Variants in SFRP2 observed in about 807,000 individuals in gnomAD.
The protein encoded by SFRP2 is secreted frizzled-related protein 2.
In SFRP2, 16 loss-of-function variants were observed where a neutral mutation model predicts 26.0. The observed-to-expected ratio is 0.61, with a 90% CI of 0.42 to 0.93. SFRP2 has a LOEUF of 0.93. SFRP2 is among the 40% of genes least tolerant of loss of function. SFRP2 has a pLI of 0.00. For missense variants in SFRP2, 343 were observed against 392.4 expected, an observed-to-expected ratio of 0.87 and a Z score of 1.06; for synonymous variants, 173 against 167.3, an observed-to-expected ratio of 1.03 and a Z score of -0.26.
chr4:153,781,458 T>G lies in SFRP2; in HGVS notation c.881A>C (p.Gln294Pro). ...KRISRSIRKL[Q>P]C The stretch of plus-strand genomic sequence containing the variant: ...GCCATCAGGATGCCGGGACTAGCAC[T>G]GCAGCTTGCGGATGCTGCGGGAGAT... The change falls in exon 3 of 3, where the codon CAG becomes CCG. Residue 294 changes from glutamine to proline, a missense_variant. Gln to Pro is a moderately conservative substitution (Grantham distance 76). This residue lies in a region of SFRP2 where 92 missense variants were observed against 139.0 expected (regional missense o/e 0.66). Transcript: ENST00000274063. The G allele has an allele frequency of 6.2e-7, 1 of 1,612,272 alleles. No individual in the cohort carries two copies. The highest frequency in any genetic ancestry group is 8.5e-7 in the Non-Finnish European group (1 of 1,179,750).
intron 2 of SFRP2, among the ~76,000 whole-genome samples, chr4:153,783,857 C>A (rs572004683): frequency 1.3e-5 from 2 of 152,290 alleles, no homozygotes; most frequent in Admixed American, 6.5e-5. Context: ...GCTTCATTAT[C>A]CCTCTATGGG....
intron 2 of SFRP2, 98 bp from the exon 3 acceptor site, chr4:153,781,853 GAA>G (rs1741127185): frequency 9.2e-7 from 1 of 1,087,272 alleles, no homozygotes; most frequent in Non-Finnish European, 1.4e-6. Flanking sequence ...CCTGGATGAG[GAA>G]AGAGAGGCTT....
At chr4:153,785,775 A>G (rs1741195762) in intron 2 of SFRP2, 89 bp downstream of exon 2, 1 of 819,312 alleles carries the variant, frequency 1.2e-6, no homozygotes, top group African/African-American at 1.7e-5. Flanking sequence ...ACCTTTATCT[A>G]GCAACATCAT....
At position 153,780,691 on chromosome 4, in the gene SFRP2, AACT is replaced by A. The variant is rs910063401; in HGVS notation, c.*757_*759del. 1.8e-4 allele frequency: 28 copies of A among 152,788 alleles called. No individual in the cohort carries two copies. Among genetic ancestry groups the A allele is most frequent in the African/African-American group, 6.7e-4 (28 of 41,580 alleles). The allele number at this position is 152,788 out of a possible 1,614,324, so 9.5% of individuals were successfully genotyped here. ...AATATTTTTACAACTTTTAAAGGTA[AACT>A]ACTATGTATATTACAGGTAAGCTAC... On this transcript the variant is annotated 3_prime_UTR_variant, in exon 3 of 3. Coordinates refer to ENST00000274063, the MANE Select transcript of SFRP2 (RefSeq NM_003013.3).
rs1420569731 is a variant in SFRP2, at chr4:153,788,994, C to T, written c.-159G>A. The T allele has an allele frequency of 2.8e-6, 2 of 706,272 alleles. No homozygotes were observed. 43.8% of individuals were successfully genotyped at this position (706,272 alleles called of 1,614,324 possible). ...GCTGGGGCGCGGAGAAGCGGGACAC[C>T]GGGAGGACAGCGCGGGCGAGGCGCT... On this transcript the variant is annotated 5_prime_UTR_variant, in exon 1 of 3. Coordinates refer to ENST00000274063, the MANE Select transcript of SFRP2 (RefSeq NM_003013.3).
intron 2 of SFRP2, among the ~76,000 whole-genome samples, chr4:153,784,664 A>AGTGAG (rs1741173899): frequency 6.6e-6 from 1 of 152,196 alleles, no homozygotes; most frequent in Admixed American, 6.5e-5. Context: ...AGGTAAGGAG[A>AGTGAG]GTGAGAGCTG....
Position 153,788,388 on chromosome 4 carries a change from C to G in SFRP2, c.448G>C (p.Asp150His), listed in dbSNP as rs374977998. ...LECDRFPQDNDLCIPLASSDH... is the reference protein window; with the variant it reads ...LECDRFPQDNHLCIPLASSDH... ...CTGCTAGCGAGGGGGATGCAAAGGT[C>G]GTTGTCCTGGGGGAAACGGTCGCAC... Residue 150 changes from aspartate (D) to histidine (H), a missense_variant, in exon 1 of 3, where the codon GAC becomes CAC. By Grantham distance (81) the Asp-to-His change is moderately conservative. Transcript: ENST00000274063. 2 of 1,613,602 alleles carry G rather than the reference C, an allele frequency of 1.2e-6. No individual in the cohort carries two copies. The highest frequency in any genetic ancestry group is 1.7e-6 in the Non-Finnish European group (2 of 1,180,010).
In SFRP2 at chr4:153,781,842, G is replaced by C. The variant is rs537870385; in HGVS notation, c.584-87C>G. The stretch of plus-strand genomic sequence containing the variant: ...CCATTCTGCCAACTCGTGTGACTTG[G>C]CCTGGATGAGGAAAGAGAGGCTTCC... On this transcript the variant is annotated intron_variant, in intron 2 of 2. Transcript: ENST00000274063. The C allele has an allele frequency of 9.1e-6, 11 of 1,213,786 alleles. No homozygotes were observed. The South Asian group carries it at 1.5e-4, about 17-fold the overall frequency. 75.2% of individuals were successfully genotyped at this position (1,213,786 alleles called of 1,614,324 possible).
rs1180620149 is a variant in SFRP2 at position 153,781,211 on chromosome 4, T to C, written c.*240A>G. 3.8e-6 allele frequency: 2 copies of C among 520,554 alleles called. No individual in the cohort carries two copies. The highest frequency in any genetic ancestry group is 1.9e-5 in the African/African-American group (1 of 52,980). The allele number at this position is 520,554 out of a possible 1,614,324, so 32.2% of individuals were successfully genotyped here. The stretch of plus-strand genomic sequence containing the variant: ...TAAAAATATTCATGATTTTATTAGT[T>C]TGAATATTTCTACAAGATTCGGGTG... On this transcript the variant is annotated 3_prime_UTR_variant, in exon 3 of 3. Transcript: ENST00000274063.
At chr4:153,781,838 C>T in intron 2 of SFRP2, 83 bp from the exon 3 acceptor site, 1 of 1,263,468 alleles carries the variant, frequency 7.9e-7, no homozygotes, top group Non-Finnish European at 1.1e-6. Flanking sequence ...ACTCGTGTGA[C>T]TTGGCCTGGA....
intron 2 of SFRP2, among the ~76,000 whole-genome samples, chr4:153,782,433 C>CAT (rs1741135873): frequency 6.6e-6 from 1 of 152,164 alleles, no homozygotes; most frequent in East Asian, 1.9e-4. Flanking sequence ...GTTTACGGAT[C>CAT]ATATATGTAC....
At chr4:153,786,172 A>G (rs892503194) in intron 1 of SFRP2, among the ~76,000 whole-genome samples, 1 of 152,102 alleles carries the variant, frequency 6.6e-6, no homozygotes, top group East Asian at 1.9e-4. Context: ...GAGAATGCCT[A>G]TATGTTGTTG....
intron 1 of SFRP2, 97 bp from the exon 2 acceptor site, chr4:153,786,041 A>C: frequency 1.6e-6 from 1 of 624,302 alleles, no homozygotes; most frequent in Non-Finnish European, 2.7e-6. Context: ...AGACAAAAGT[A>C]GCAATTGTCC....
rs144586687 is a variant in SFRP2 at position 153,787,479 on chromosome 4, A to T, written c.502+855T>A. 2.4e-4 allele frequency among the ~76,000 whole-genome samples: 36 copies of T among 152,352 alleles called. No individual in the cohort carries two copies. In the East Asian group the frequency reaches 4.6e-3, roughly 20 times the overall value. On this transcript the variant is annotated intron_variant, in intron 1 of 2. Transcript: ENST00000274063. ...CCCTTTTCCAACCCAGGGGACCCAA[A>T]TCAGCTCAGAGGCATTGTATATGTT...
intron 1 of SFRP2, among the ~76,000 whole-genome samples, chr4:153,787,621 C>A (rs1207201906): frequency 2.0e-5 from 3 of 152,180 alleles, no homozygotes; most frequent in Non-Finnish European, 4.4e-5. Context: ...ATGATTTTCT[C>A]CAGCTAATCA....
Position 153,781,259 on chromosome 4 carries a change from A to G in SFRP2, c.*192T>C, listed in dbSNP as rs558129803. The G allele has an allele frequency of 3.5e-6, 2 of 575,222 alleles. No homozygotes were observed. Among genetic ancestry groups the G allele is most frequent in the East Asian group, 2.8e-5 (1 of 35,772 alleles). 35.6% of individuals were successfully genotyped at this position (575,222 alleles called of 1,614,324 possible). The stretch of plus-strand genomic sequence containing the variant: ...GTGGGCTTTTCCTTTAGGTGAAAAC[A>G]GCTATCCACTCCTGTGGCCTTATAA... On this transcript the variant is annotated 3_prime_UTR_variant, in exon 3 of 3. Transcript: ENST00000274063.
At position 153,788,575 on chromosome 4, in the gene SFRP2, G is replaced by A. The variant is rs571105933; in HGVS notation, c.261C>T (p.Cys87=). ...GAWIPLVMKQ[C]HPDTKKFLCS... is the part of the protein sequence containing the mutation. ...ACAGGAACTTCTTGGTGTCCGGGTG[G>A]CACTGCTTCATGACCAGCGGGATCC... Residue 87 remains cysteine (C), a synonymous_variant, in exon 1 of 3, where the codon TGC becomes TGT. Coordinates refer to ENST00000274063, the MANE Select transcript of SFRP2 (RefSeq NM_003013.3). 1 of 1,614,190 alleles carries A rather than the reference G, an allele frequency of 6.2e-7. No individual in the cohort carries two copies. Among genetic ancestry groups the A allele is most frequent in the East Asian group, 2.2e-5 (1 of 44,880 alleles).
Position 153,781,418 on chromosome 4 carries a change from A to G in SFRP2, c.*33T>C, listed in dbSNP as rs775112152. The G allele has an allele frequency of 2.5e-6, 4 of 1,587,482 alleles. No individual in the cohort carries two copies. The highest frequency in any genetic ancestry group is 3.4e-5 in the Admixed American group (2 of 59,656). On this transcript the variant is annotated 3_prime_UTR_variant, in exon 3 of 3. Transcript: ENST00000274063. Reference sequence around the variant, plus strand: ...GCAGAAATGGTCAGCCGTGCTCTGGAGCAGGCCTGTCGGAGCCATCAGGAT... The same window carrying G: ...GCAGAAATGGTCAGCCGTGCTCTGGGGCAGGCCTGTCGGAGCCATCAGGAT...
chr4:153,781,347 G>A lies in SFRP2; in HGVS notation c.*104C>T, dbSNP rs958587865. The stretch of plus-strand genomic sequence containing the variant: ...GGGGGAAGCTGCCCAGGCTGAGACT[G>A]GAGCAGCTAGGAGTGTGCTTGGGGA... On this transcript the variant is annotated 3_prime_UTR_variant, in exon 3 of 3. Transcript: ENST00000274063. 1 of 1,051,040 alleles carries A rather than the reference G, an allele frequency of 9.5e-7. No individual in the cohort carries two copies. Among genetic ancestry groups the A allele is most frequent in the Admixed American group, 2.1e-5 (1 of 48,414 alleles). 65.1% of individuals were successfully genotyped at this position (1,051,040 alleles called of 1,614,324 possible).
Sources: allele counts gnomAD v4.1 joint callset (sites outside exome capture counted in the v4.1 genomes callset), GRCh38; gene constraint gnomAD v4.1.1; regional missense constraint gnomAD v4.1.1; transcripts MANE v1.5; gene names NCBI Gene and HGNC (gene_info 2026-07-23, HGNC 2026-07-21).